PCDHGA3: variants seen among roughly 807,000 people sequenced by gnomAD.
PCDHGA3 encodes protocadherin gamma subfamily A, 3.
PCDHGA3 carries 40 observed loss-of-function variants against 58.5 expected under a neutral mutation model. That is an observed-to-expected ratio of 0.68 (90% CI 0.53 to 0.89). The LOEUF is 0.89. Ranked by LOEUF, PCDHGA3 falls within the 40% of genes least tolerant of loss-of-function variation. The pLI is 0.00. For missense variants in PCDHGA3, 1,223 were observed against 1,195.9 expected (o/e 1.02, Z -0.33); for synonymous variants, 530 against 525.7 (o/e 1.01, Z -0.11).
intron 1 of PCDHGA3, chr5:141,387,823 A>G: frequency 6.3e-7 from 1 of 1,581,002 alleles, no homozygotes; most frequent in South Asian, 1.2e-5. Context: ...AATCTGCAAT[A>G]CAGAGGTTAT....
intron 1 of PCDHGA3, among the ~76,000 whole-genome samples, chr5:141,483,611 A>G (rs2099583566): frequency 6.6e-6 from 1 of 151,952 alleles, no homozygotes; most frequent in South Asian, 2.1e-4. Context: ...TTACACCTCC[A>G]TCATTCCCAT....
At chr5:141,497,209 TG>T (rs11343387) in intron 2 of PCDHGA3, among the ~76,000 whole-genome samples, 90,704 of 151,262 alleles carry the variant, frequency 0.6, 29,397 homozygotes, top group African/African-American at 0.86. Context: ...GTGAGTGTAA[TG>T]GGGGGGGGAA....
At chr5:141,441,742 T>C in intron 1 of PCDHGA3, 1 of 367,312 alleles carries the variant, frequency 2.7e-6, no homozygotes, top group Non-Finnish European at 5.4e-6. Context: ...TAGCTCGCGC[T>C]CGGCGTCAAC....
chr5:141,478,414 C>T, intron 1 of PCDHGA3: 1 of 1,613,630 alleles, frequency 6.2e-7, no homozygotes, highest in Non-Finnish European at 8.5e-7. Context: ...CCACGGACTC[C>T]CGCCGCAGCG....
chr5:141,433,401 A>ATCTATCTATCTATCTC (rs1444244130), intron 1 of PCDHGA3, among the ~76,000 whole-genome samples: 1 of 150,482 alleles, frequency 6.6e-6, no homozygotes, highest in African/African-American at 2.4e-5. Context: ...CTATCTATCT[A>ATCTATCTATCTATCTC]TCTATTACTT....
At chr5:141,481,356 T>A (rs1214829594) in intron 1 of PCDHGA3, among the ~76,000 whole-genome samples, 1 of 152,260 alleles carries the variant, frequency 6.6e-6, no homozygotes, top group East Asian at 1.9e-4. Context: ...CATCTACAGC[T>A]GTTCAATAGA....
rs1348259631 is a variant in PCDHGA3 at position 141,347,175 on chromosome 5, CTT to C, written c.2424+720_2424+721del. 3.5e-3 allele frequency among the ~76,000 whole-genome samples: 494 copies of C among 140,584 alleles called. 5 individuals are homozygous for C. The highest frequency in any genetic ancestry group is 0.012 in the African/African-American group (466 of 38,906). 92.2% of individuals were successfully genotyped at this position (140,584 alleles called of 152,430 possible). On this transcript the variant is annotated intron_variant, in intron 1 of 3. Coordinates refer to ENST00000253812, the MANE Select transcript of PCDHGA3 (RefSeq NM_018916.4). ...TCTTTCTTTCTTTCTTTCTTTCTTT[CTT>C]TCTTGACAGGGTCTTACTCTGTCTG...
At chr5:141,470,201 G>C (rs2154570565) in intron 1 of PCDHGA3, among the ~76,000 whole-genome samples, 1 of 152,274 alleles carries the variant, frequency 6.6e-6, no homozygotes, top group Non-Finnish European at 1.5e-5. Flanking sequence ...AGATAAATAT[G>C]AAGGCTAAAC....
chr5:141,458,695 G>T (rs551105765), intron 1 of PCDHGA3, among the ~76,000 whole-genome samples: 2 of 151,734 alleles, frequency 1.3e-5, no homozygotes, highest in Non-Finnish European at 2.9e-5. Context: ...TCAGCCTCCC[G>T]AGTAGCTGGG....
At position 141,431,398 on chromosome 5, in the gene PCDHGA3, G is replaced by A. The variant is rs1052461071; in HGVS notation, c.2425-63409G>A. ...AGGCTGCTCACCACCTGGTCCTTACGGCCTCCGACGGGGGCGACCCGGTGC... is the reference window on the plus strand; with the variant it reads ...AGGCTGCTCACCACCTGGTCCTTACAGCCTCCGACGGGGGCGACCCGGTGC... On this transcript the variant is annotated intron_variant, in intron 1 of 3. Coordinates refer to ENST00000253812, the MANE Select transcript of PCDHGA3 (RefSeq NM_018916.4). This position sits in a 1 kb window ranked among gnomAD's most constrained non-coding sequence, Gnocchi z 4.8. The A allele has an allele frequency of 6.8e-6, 11 of 1,613,768 alleles. No homozygotes were observed. Among genetic ancestry groups the A allele is most frequent in the Non-Finnish European group, 9.3e-6 (11 of 1,180,036 alleles).
At chr5:141,509,081 A>G (rs1279221589) in intron 3 of PCDHGA3, among the ~76,000 whole-genome samples, 1 of 152,160 alleles carries the variant, frequency 6.6e-6, no homozygotes, top group African/African-American at 2.4e-5. Flanking sequence ...GATTTGCGAC[A>G]TGAAATGGGG....
chr5:141,500,384 T>C (rs956708207), intron 2 of PCDHGA3, among the ~76,000 whole-genome samples: 1 of 151,894 alleles, frequency 6.6e-6, no homozygotes, highest in African/African-American at 2.4e-5. Context: ...AATTATTTTG[T>C]ATTTTTAGTA....
intron 1 of PCDHGA3, chr5:141,422,778 C>T (rs1041081332): frequency 1.9e-6 from 3 of 1,613,932 alleles, no homozygotes; most frequent in Admixed American, 1.7e-5. Flanking sequence ...TTCTCTATGC[C>T]CTACAATCCT....
intron 1 of PCDHGA3, among the ~76,000 whole-genome samples, chr5:141,447,752 G>T (rs2154561873): frequency 6.6e-6 from 1 of 152,280 alleles, no homozygotes; most frequent in Admixed American, 6.5e-5. Context: ...TCTTGCATGT[G>T]ACTGTATATA....
At chr5:141,467,495 C>T (rs1161557245) in intron 1 of PCDHGA3, among the ~76,000 whole-genome samples, 1 of 152,140 alleles carries the variant, frequency 6.6e-6, no homozygotes, top group Non-Finnish European at 1.5e-5. Context: ...ATTTAGATCC[C>T]TGATCTAATT....
chr5:141,500,688 T>C (rs2099802014), intron 2 of PCDHGA3, among the ~76,000 whole-genome samples: 1 of 152,224 alleles, frequency 6.6e-6, no homozygotes, highest in Non-Finnish European at 1.5e-5. Flanking sequence ...TATAGCTTTT[T>C]TCTTCTTTGC....
intron 1 of PCDHGA3, chr5:141,364,974 T>C (rs755409808): frequency 1.9e-6 from 3 of 1,613,888 alleles, no homozygotes; most frequent in Admixed American, 1.7e-5. Flanking sequence ...CTCACAGCTT[T>C]AGATGGCGGA....
chr5:141,359,539 T>A (rs1181475445), intron 1 of PCDHGA3, among the ~76,000 whole-genome samples: 1 of 150,972 alleles, frequency 6.6e-6, no homozygotes, highest in African/African-American at 2.4e-5. Flanking sequence ...CTATAAGAAA[T>A]AAATAGGAAA....
intron 2 of PCDHGA3, among the ~76,000 whole-genome samples, chr5:141,497,602 C>T (rs948023459): frequency 2.0e-5 from 3 of 148,260 alleles, no homozygotes; most frequent in East Asian, 2.0e-4. Flanking sequence ...TGCAGTGGTG[C>T]GATCTTGGCT....
Sources: gnomAD v4.1 joint callset for allele counts (sites outside exome capture counted in the v4.1 genomes callset) on GRCh38, gnomAD v4.1.1 for gene constraint, Gnocchi (gnomAD v3.1) non-coding constraint, MANE v1.5 for transcripts, NCBI Gene and HGNC (gene_info 2026-07-23, HGNC 2026-07-21) for gene names.